The following NUDCD3 variants were observed in gnomAD, a reference collection of about 807,000 sequenced individuals.
The protein encoded by NUDCD3 is nudC domain-containing protein 3.
NUDCD3 carries 13 observed loss-of-function variants against 39.7 expected under a neutral mutation model. The ratio of observed to expected loss-of-function variants is 0.33; its 90% CI spans 0.21 to 0.52. NUDCD3 has a LOEUF of 0.52. Among genes scored for constraint, NUDCD3 ranks in the 20% least tolerant of loss-of-function variants. The probability of loss-of-function intolerance (pLI) is 0.96; values close to 1 mark genes in which losing one functional copy is unlikely to be tolerated. For missense variants in NUDCD3, 453 were observed against 458.1 expected, an observed-to-expected ratio of 0.99 and a Z score of 0.10; for synonymous variants, 175 against 172.4, an observed-to-expected ratio of 1.02 and a Z score of -0.12.
intron 5 of NUDCD3, among the ~76,000 whole-genome samples, chr7:44,389,835 A>C (rs1435405290): frequency 1.3e-5 from 2 of 152,080 alleles, no homozygotes; most frequent in Admixed American, 1.3e-4. Flanking sequence ...AGGGAAACAG[A>C]AAGAAAGGAG....
At chr7:44,430,911 A>G (rs946829623) in intron 2 of NUDCD3, among the ~76,000 whole-genome samples, 3 of 152,086 alleles carry the variant, frequency 2.0e-5, no homozygotes, top group African/African-American at 7.2e-5. Context: ...AAGGGCTCTG[A>G]TCACACAGAA....
At chr7:44,433,170 T>C (rs1405648606) in intron 2 of NUDCD3, among the ~76,000 whole-genome samples, 1 of 152,164 alleles carries the variant, frequency 6.6e-6, no homozygotes, top group African/African-American at 2.4e-5. Flanking sequence ...ATCTTGGACT[T>C]CCAACATCCA....
At chr7:44,411,956 G>A (rs1798934931) in intron 3 of NUDCD3, among the ~76,000 whole-genome samples, 1 of 152,218 alleles carries the variant, frequency 6.6e-6, no homozygotes, top group Non-Finnish European at 1.5e-5. Flanking sequence ...GTCCTCAGAT[G>A]CCAGCAAAGG....
At chr7:44,485,393 T>C (rs1206836397) in intron 1 of NUDCD3, 109 bp from the exon 2 acceptor site, 4 of 995,626 alleles carry the variant, frequency 4.0e-6, no homozygotes, top group South Asian at 1.9e-5. Context: ...AGTCAGAAAC[T>C]GACAAGTTTT....
intron 1 of NUDCD3, 135 bp from the exon 2 acceptor site, chr7:44,485,419 G>T (rs1563192111): frequency 1.5e-5 from 10 of 682,312 alleles, no homozygotes; most frequent in Non-Finnish European, 2.2e-5. Flanking sequence ...TGGCAAAATG[G>T]AAATGCACTG....
intron 3 of NUDCD3, among the ~76,000 whole-genome samples, chr7:44,421,265 C>T (rs1452892289): frequency 4.8e-5 from 7 of 146,306 alleles, no homozygotes; most frequent in South Asian, 2.2e-4. Flanking sequence ...ACCTGGGAGG[C>T]AGAGGTTGCA....
rs576447021 is a variant in NUDCD3 at position 44,454,321 on chromosome 7, G to A, written c.510-26618C>T. Among the ~76,000 whole-genome samples the A allele has an allele frequency of 3.9e-5, 6 of 151,998 alleles. No homozygotes were observed. The East Asian group carries it at 5.8e-4, about 15-fold the overall frequency. On this transcript the variant is annotated intron_variant, in intron 2 of 5. Coordinates refer to ENST00000355451, the MANE Select transcript of NUDCD3 (RefSeq NM_015332.4). The stretch of plus-strand genomic sequence containing the variant: ...GCCACTGCACTCCAGCCTGGGTGAC[G>A]GAGTGAGACTCTGTCTCAAAAATAA...
chr7:44,449,922 T>C (rs78268752), intron 2 of NUDCD3, among the ~76,000 whole-genome samples: 7,706 of 150,698 alleles, frequency 0.051, 260 homozygotes, highest in Middle Eastern at 0.13. Context: ...CAAAATGCAA[T>C]GTGAAGAAAA....
intron 3 of NUDCD3, among the ~76,000 whole-genome samples, chr7:44,406,341 T>C (rs976787934): frequency 9.9e-5 from 15 of 152,180 alleles, no homozygotes; most frequent in Admixed American, 7.8e-4. Context: ...TATTGAACAA[T>C]AGGCAACTGA....
rs1204830586 is a variant in NUDCD3 at position 44,382,136 on chromosome 7, G to T, written c.*3875C>A. ...CACCAAGGAGCCCAGCGATGGGGGG[G>T]TTTCTTCCCTCCCTCTGAGGTAAGA... is the stretch of plus-strand genomic sequence containing the variant. On this transcript the variant is annotated 3_prime_UTR_variant, in exon 6 of 6. Transcript: ENST00000355451. 6.6e-6 allele frequency: 1 copy of T among 152,070 alleles called. No individual in the cohort carries two copies. The highest frequency in any genetic ancestry group is 1.5e-5 in the Non-Finnish European group (1 of 68,016). 9.4% of individuals were successfully genotyped at this position (152,070 alleles called of 1,614,324 possible).
chr7:44,401,068 G>A (rs759272354), intron 4 of NUDCD3, among the ~76,000 whole-genome samples: 2 of 152,100 alleles, frequency 1.3e-5, no homozygotes, highest in Admixed American at 6.5e-5. Context: ...TTGTTTGAAC[G>A]GTGAGAAATG....
chr7:44,449,976 T>C (rs188777153), intron 2 of NUDCD3, among the ~76,000 whole-genome samples: 1 of 152,240 alleles, frequency 6.6e-6, no homozygotes, highest in East Asian at 1.9e-4. Flanking sequence ...GCAAATTATA[T>C]ATCTGATAAA....
intron 2 of NUDCD3, among the ~76,000 whole-genome samples, chr7:44,440,524 A>T (rs1349657492): frequency 2.8e-5 from 4 of 145,148 alleles, no homozygotes; most frequent in Admixed American, 2.0e-4. Context: ...AAAGCCTGTG[A>T]TCATTATTAC....
Position 44,383,798 on chromosome 7 carries a change from T to A in NUDCD3, c.*2213A>T, listed in dbSNP as rs1798349116. 2 of 152,378 alleles carry A rather than the reference T, an allele frequency of 1.3e-5. No individual in the cohort carries two copies. Among genetic ancestry groups the A allele is most frequent in the South Asian group, 4.1e-4 (2 of 4,832 alleles). 9.4% of individuals were successfully genotyped at this position (152,378 alleles called of 1,614,324 possible). A position where few individuals can be genotyped will look rare whatever the true frequency, so the allele number is the denominator to read the frequency against. On this transcript the variant is annotated 3_prime_UTR_variant, in exon 6 of 6. Transcript: ENST00000355451. ...GGCAGGGTGTGCCAGCTCTGGAGAC[T>A]GGGCCAGTCCAGGGTGGTGGCTCAG...
chr7:44,466,294 C>T, intron 2 of NUDCD3, among the ~76,000 whole-genome samples: 1 of 152,212 alleles, frequency 6.6e-6, no homozygotes, highest in East Asian at 1.9e-4. Flanking sequence ...ACTGCCAACC[C>T]ACTCGGGCAA....
intron 4 of NUDCD3, among the ~76,000 whole-genome samples, chr7:44,394,548 C>T (rs944273855): frequency 3.3e-5 from 5 of 152,192 alleles, no homozygotes; most frequent in Admixed American, 1.3e-4. Context: ...AGATCCTTTA[C>T]GAATTTTTTA....
At chr7:44,427,851 CCTCTT>C in intron 2 of NUDCD3, 148 bp from the exon 3 acceptor site, 1 of 755,792 alleles carries the variant, frequency 1.3e-6, no homozygotes, top group Non-Finnish European at 2.1e-6. Flanking sequence ...TCTGCAAACT[CCTCTT>C]CTTTTCAGGT....
intron 2 of NUDCD3, among the ~76,000 whole-genome samples, chr7:44,473,182 C>T (rs535152295): frequency 4.6e-4 from 70 of 152,294 alleles, no homozygotes; most frequent in African/African-American, 1.5e-3. Flanking sequence ...TTCTGAAAAT[C>T]CAGACATGAC....
chr7:44,445,177 C>T (rs1799667647), intron 2 of NUDCD3, among the ~76,000 whole-genome samples: 1 of 152,214 alleles, frequency 6.6e-6, no homozygotes, highest in East Asian at 1.9e-4. Context: ...CTATATCTTC[C>T]GCACATGCAC....
Sources: allele counts gnomAD v4.1 joint callset (sites outside exome capture counted in the v4.1 genomes callset), GRCh38; gene constraint gnomAD v4.1.1; transcripts MANE v1.5; gene names NCBI Gene and HGNC (gene_info 2026-07-23, HGNC 2026-07-21).